GALNT14: variants seen among roughly 807,000 people sequenced by gnomAD.
GALNT14 encodes polypeptide N-acetylgalactosaminyltransferase 14.
GALNT14 carries 60 observed loss-of-function variants against 77.5 expected under a neutral mutation model. The observed-to-expected ratio is 0.77, with a 90% CI of 0.63 to 0.96. The LOEUF is 0.96. Ranked by LOEUF, GALNT14 falls within the 40% of genes least tolerant of loss-of-function variation. The pLI is 0.00. For missense variants in GALNT14, 710 were observed against 731.0 expected (o/e 0.97, Z 0.33); for synonymous variants, 280 against 281.7 (o/e 0.99, Z 0.06).
intron 3 of GALNT14, among the ~76,000 whole-genome samples, chr2:30,962,227 T>C (rs1667737577): frequency 6.6e-6 from 1 of 152,166 alleles, no homozygotes. Flanking sequence ...TGATGTCAGG[T>C]AGTTATTATT....
chr2:30,966,995 C>T (rs1668050906), intron 2 of GALNT14, among the ~76,000 whole-genome samples: 1 of 152,154 alleles, frequency 6.6e-6, no homozygotes, highest in South Asian at 2.1e-4. Context: ...TGAAAATAAA[C>T]CCGCCAAGTG....
chr2:30,890,352 C>T, the GALNT14 span, among the ~76,000 whole-genome samples: 28 of 152,250 alleles, frequency 1.8e-4, no homozygotes, highest in Non-Finnish European at 3.2e-4. Flanking sequence ...TGCTAGTCTT[C>T]CTTTTAGCAC....
intron 1 of GALNT14, among the ~76,000 whole-genome samples, chr2:31,100,211 A>T (rs1247136876): frequency 6.6e-6 from 1 of 152,048 alleles, no homozygotes; most frequent in Non-Finnish European, 1.5e-5. Flanking sequence ...CTTTAAGCAC[A>T]ATGATGTACA....
chr2:30,958,403 T>C lies in GALNT14; in HGVS notation c.460A>G (p.Asn154Asp), dbSNP rs1176346329. The change falls in exon 4 of 15, where the codon AAT becomes GAT. Residue 154 changes from asparagine to aspartate, a missense_variant. By Grantham distance (23) the Asn-to-Asp change is conservative (BLOSUM62 1). Transcript: ENST00000349752. Reference protein sequence around the residue: ...REIILVDDFSNDPDDCKQLIK... With the variant: ...REIILVDDFSDDPDDCKQLIK... ...AGTGAGCAACATGACTTACGGTCAT[T>C]GCTGAAGTCATCCACTAATATGATT... is the stretch of plus-strand genomic sequence containing the variant. 1.9e-6 allele frequency: 3 copies of C among 1,613,620 alleles called. No individual in the cohort carries two copies. Among genetic ancestry groups the C allele is most frequent in the Non-Finnish European group, 2.5e-6 (3 of 1,179,518 alleles).
intron 1 of GALNT14, among the ~76,000 whole-genome samples, chr2:31,096,271 T>G (rs182729507): frequency 5.8e-4 from 88 of 152,302 alleles, no homozygotes; most frequent in African/African-American, 2.1e-3. Flanking sequence ...CCTCTTGTCA[T>G]GTAACCTACC....
intron 1 of GALNT14, among the ~76,000 whole-genome samples, chr2:30,996,901 C>T (rs1267300014): frequency 6.6e-6 from 1 of 152,212 alleles, no homozygotes; most frequent in Non-Finnish European, 1.5e-5. Flanking sequence ...GGCTTTTCTA[C>T]ATCAATATCT....
chr2:31,101,705 T>A (rs1316947061), intron 1 of GALNT14, among the ~76,000 whole-genome samples: 2 of 152,124 alleles, frequency 1.3e-5, no homozygotes, highest in African/African-American at 4.8e-5. Flanking sequence ...TTGATTAGAT[T>A]AACTAGTAGT....
intron 13 of GALNT14, among the ~76,000 whole-genome samples, chr2:30,915,013 G>A (rs1664594070): frequency 6.6e-6 from 1 of 152,202 alleles, no homozygotes; most frequent in African/African-American, 2.4e-5. Flanking sequence ...CCTGACTATA[G>A]AGTCTGTAGG....
chr2:30,979,713 C>A (rs993514721), intron 2 of GALNT14, among the ~76,000 whole-genome samples: 5 of 152,140 alleles, frequency 3.3e-5, no homozygotes, highest in African/African-American at 1.2e-4. Context: ...GAGTCCCCAG[C>A]GGATTCCTGC....
intron 2 of GALNT14, among the ~76,000 whole-genome samples, chr2:30,989,631 A>C (rs1207066739): frequency 7.9e-6 from 1 of 126,790 alleles, no homozygotes. Context: ...AGTATATATA[A>C]AAATATATAT....
At chr2:31,082,060 C>T (rs1452738967) in intron 1 of GALNT14, among the ~76,000 whole-genome samples, 1 of 152,340 alleles carries the variant, frequency 6.6e-6, no homozygotes, top group African/African-American at 2.4e-5. Context: ...CTCCTACAAA[C>T]TTACCTAGTT....
At chr2:30,899,224 T>A in the GALNT14 span, among the ~76,000 whole-genome samples, 1 of 152,248 alleles carries the variant, frequency 6.6e-6, no homozygotes, top group Non-Finnish European at 1.5e-5. Context: ...ATCCCAGGAA[T>A]GGGTGAAGCT....
chr2:30,909,673 C>G (rs1664250802), downstream of GALNT14, among the ~76,000 whole-genome samples: 1 of 151,906 alleles, frequency 6.6e-6, no homozygotes, highest in Non-Finnish European at 1.5e-5. Flanking sequence ...GGATCTAGAA[C>G]TGGAAATACC....
chr2:30,976,472 G>C (rs1380933122), intron 2 of GALNT14, among the ~76,000 whole-genome samples: 2 of 152,150 alleles, frequency 1.3e-5, no homozygotes, highest in Non-Finnish European at 2.9e-5. Context: ...AACCCTGGGG[G>C]AAGTGGCAGC....
intron 1 of GALNT14, among the ~76,000 whole-genome samples, chr2:31,084,450 C>A (rs919988492): frequency 3.3e-5 from 5 of 152,190 alleles, no homozygotes; most frequent in Non-Finnish European, 7.3e-5. Flanking sequence ...AGGCAGCCAG[C>A]ATGGCATGTA....
intron 2 of GALNT14, among the ~76,000 whole-genome samples, chr2:30,977,092 C>CTT (rs11314175): frequency 0.023 from 3,143 of 135,098 alleles, 163 homozygotes; most frequent in East Asian, 0.21. Context: ...GCTTTTCTGT[C>CTT]TTTTTTTTTT....
intron 1 of GALNT14, among the ~76,000 whole-genome samples, chr2:31,034,558 G>T (rs184968681): frequency 0.01 from 1,541 of 149,976 alleles, 22 homozygotes; most frequent in African/African-American, 0.034. Flanking sequence ...TAGTTGTTTT[G>T]TTTTTTTTTG....
chr2:31,003,484 G>A (rs373267552), intron 1 of GALNT14, among the ~76,000 whole-genome samples: 4 of 152,154 alleles, frequency 2.6e-5, no homozygotes, highest in Non-Finnish European at 4.4e-5. Flanking sequence ...CTGAGCCCCC[G>A]GAGGGTCTGC....
At chr2:30,977,617 G>A (rs1400686207) in intron 2 of GALNT14, among the ~76,000 whole-genome samples, 1 of 152,100 alleles carries the variant, frequency 6.6e-6, no homozygotes, top group African/African-American at 2.4e-5. Flanking sequence ...CAGCTATAAG[G>A]AGCAAAAGTA....
Sources: gnomAD v4.1 joint callset for allele counts (sites outside exome capture counted in the v4.1 genomes callset) on GRCh38, gnomAD v4.1.1 for gene constraint, MANE v1.5 for transcripts, NCBI Gene and HGNC (gene_info 2026-07-23, HGNC 2026-07-21) for gene names.